The following RNF10 variants were observed in gnomAD, a reference collection of about 807,000 sequenced individuals.
RNF10 encodes ring finger protein 10.
In RNF10, 38 loss-of-function variants were observed where a neutral mutation model predicts 91.4. That is an observed-to-expected ratio of 0.42 (90% CI 0.32 to 0.54). The LOEUF is 0.54. RNF10 is among the 20% of genes least tolerant of loss of function. RNF10 has a pLI of 0.16. For missense variants in RNF10, 945 were observed against 1,012.0 expected (o/e 0.93, Z 0.90); for synonymous variants, 364 against 366.3 (o/e 0.99, Z 0.07).
rs542003760 is a variant in RNF10 at position 120,572,585 on chromosome 12, CTTGTTTTGTT to C, written c.2142+1313_2142+1322del. On this transcript the variant is annotated intron_variant, in intron 14 of 16. Coordinates refer to ENST00000325954, the MANE Select transcript of RNF10 (RefSeq NM_014868.5). ...TGGCTCCCAGGAGTTATGCCAAATA[CTTGTTTTGTT>C]TTGTTTTGTTTTGTTTTGAGTTGAA... 4.3e-4 allele frequency among the ~76,000 whole-genome samples: 66 copies of C among 151,978 alleles called. No homozygotes were observed. The Middle Eastern group carries it at 0.01, about 23-fold the overall frequency.
intron 2 of RNF10, among the ~76,000 whole-genome samples, chr12:120,547,724 G>A (rs1339585519): frequency 2.0e-5 from 3 of 152,182 alleles, no homozygotes; most frequent in African/African-American, 4.8e-5. Flanking sequence ...GGAGAGGTAG[G>A]AAATGTACCC....
chr12:120,556,918 C>T (rs569437479), intron 4 of RNF10, among the ~76,000 whole-genome samples: 39 of 151,436 alleles, frequency 2.6e-4, no homozygotes, highest in South Asian at 2.1e-4. Flanking sequence ...TTTGGGAGGC[C>T]GAGGCGGGCG....
At chr12:120,557,103 A>G (rs1462836721) in intron 4 of RNF10, among the ~76,000 whole-genome samples, 179 bp from the exon 5 acceptor site, 3 of 149,346 alleles carry the variant, frequency 2.0e-5, no homozygotes, top group Non-Finnish European at 4.5e-5. Flanking sequence ...AAAAAAAAAG[A>G]AAAAAATGAT....
chr12:120,552,083 CAAAAAA>C (rs563764429), intron 2 of RNF10, among the ~76,000 whole-genome samples: 6 of 86,476 alleles, frequency 6.9e-5, no homozygotes, highest in Non-Finnish European at 8.9e-5. Flanking sequence ...GACTCTGTCT[CAAAAAA>C]AAAAAAAAAA....
At chr12:120,563,299 G>A (rs150150750) in intron 8 of RNF10, 48 bp from the exon 9 acceptor site, 210 of 1,564,458 alleles carry the variant, frequency 1.3e-4, no homozygotes, top group African/African-American at 5.2e-4. Flanking sequence ...CATTGCTTTC[G>A]GAAAGCAGGA....
intron 14 of RNF10, among the ~76,000 whole-genome samples, chr12:120,573,362 T>TC (rs1230213517): frequency 6.6e-6 from 1 of 152,182 alleles, no homozygotes; most frequent in African/African-American, 2.4e-5. Flanking sequence ...CCCTTTTTTT[T>TC]CCCTTCCATG....
In RNF10 at chr12:120,536,747, C is replaced by A. The variant is rs1161333061; in HGVS notation, c.157+1779C>A. On this transcript the variant is annotated intron_variant, in intron 1 of 16. Transcript: ENST00000325954. ...GTAAGTTTATTTTTGTACTCTATTC[C>A]CAGATGTATGTTAAGGATTTGGTTC... 2.0e-5 allele frequency among the ~76,000 whole-genome samples: 3 copies of A among 152,118 alleles called. No homozygotes were observed. The East Asian group carries it at 5.8e-4, about 29-fold the overall frequency.
chr12:120,575,893 G>A lies in RNF10; in HGVS notation c.2302G>A (p.Ala768Thr). 1.2e-6 allele frequency: 2 copies of A among 1,614,138 alleles called. No homozygotes were observed. The highest frequency in any genetic ancestry group is 1.7e-6 in the Non-Finnish European group (2 of 1,180,040). Reference sequence around the variant, plus strand: ...CAGTTTTCAAAATTCCTTCAGCCAAGCTATTGAAGCAGCCTTCATGAAACT... The same window carrying A: ...CAGTTTTCAAAATTCCTTCAGCCAAACTATTGAAGCAGCCTTCATGAAACT... ...VPSFQNSFSQ[A>T]IEAAFMKLDT... is the part of the protein sequence containing the mutation. Residue 768 changes from alanine (A) to threonine (T), a missense_variant, in exon 16 of 17, where the codon GCT becomes ACT. Coordinates refer to ENST00000325954, the MANE Select transcript of RNF10 (RefSeq NM_014868.5).
chr12:120,563,722 G>A, intron 9 of RNF10, 88 bp from the exon 10 acceptor site: 1 of 1,583,092 alleles, frequency 6.3e-7, no homozygotes, highest in Non-Finnish European at 8.6e-7. Context: ...TGTGGCTTGG[G>A]TGGCTTGAGC....
chr12:120,544,624 C>G (rs549269021), intron 1 of RNF10, among the ~76,000 whole-genome samples: 227 of 152,278 alleles, frequency 1.5e-3, no homozygotes, highest in Non-Finnish European at 2.7e-3. Flanking sequence ...CCACTGCACT[C>G]TAGCCTGGGT....
chr12:120,567,858 T>TGGGG (rs199817281), intron 13 of RNF10, among the ~76,000 whole-genome samples: 6 of 131,722 alleles, frequency 4.6e-5, no homozygotes, highest in African/African-American at 1.5e-4. Flanking sequence ...CATTTCATTA[T>TGGGG]GGGTGTGTGT....
intron 14 of RNF10, among the ~76,000 whole-genome samples, chr12:120,572,824 C>A (rs1422825824): frequency 6.6e-6 from 1 of 150,604 alleles, no homozygotes; most frequent in African/African-American, 2.4e-5. Flanking sequence ...TGGTCTAGAA[C>A]TCTTGACCTC....
At position 120,552,631 on chromosome 12, in the gene RNF10, G is replaced by A. The variant is rs1022080841; in HGVS notation, c.487G>A (p.Gly163Ser). 2.5e-6 allele frequency: 4 copies of A among 1,613,992 alleles called. No individual in the cohort carries two copies. In the African/African-American group the frequency reaches 4.0e-5, roughly 16 times the overall value. The part of the protein sequence containing the change: ...QTGHFEGSGH[G>S]SWGKRNKWGH... ...GGGTCACTTTGAAGGCAGTGGACAT[G>A]GTAGCTGGGGAAAGAGGAACAAGTG... is the stretch of plus-strand genomic sequence containing the variant. Residue 163 changes from glycine (G) to serine (S), a missense_variant, in exon 3 of 17, where the codon GGT becomes AGT. By Grantham distance (56) the Gly-to-Ser change is moderately conservative. Transcript: ENST00000325954.
rs1352350131 is a variant in RNF10 at position 120,563,075 on chromosome 12, G to A, written c.1254+5G>A. The A allele has an allele frequency of 6.2e-7, 1 of 1,613,950 alleles. No homozygotes were observed. The highest frequency in any genetic ancestry group is 2.2e-5 in the East Asian group (1 of 44,902). Reference sequence around the variant, plus strand: ...TCTGTTTTTCAACCCAGGAAGGTTAGTGTGTTCCTGTTACTAAGTGGCTGC... The same window carrying A: ...TCTGTTTTTCAACCCAGGAAGGTTAATGTGTTCCTGTTACTAAGTGGCTGC... On this transcript the variant is annotated splice_donor_5th_base_variant and intron_variant, in intron 8 of 16. Coordinates refer to ENST00000325954, the MANE Select transcript of RNF10 (RefSeq NM_014868.5).
chr12:120,541,497 C>T lies in RNF10; in HGVS notation c.158-4908C>T, dbSNP rs897513887. On this transcript the variant is annotated intron_variant, in intron 1 of 16. Coordinates refer to ENST00000325954, the MANE Select transcript of RNF10 (RefSeq NM_014868.5). Reference sequence around the variant, plus strand: ...TCGCCCAGACTGGAATGCAGTGGCACGATCTCCGCTCACTGCTAGCCCCGC... The same window carrying T: ...TCGCCCAGACTGGAATGCAGTGGCATGATCTCCGCTCACTGCTAGCCCCGC... Among the ~76,000 whole-genome samples, 8 of 150,596 alleles carry T rather than the reference C, an allele frequency of 5.3e-5. No individual in the cohort carries two copies. The South Asian group carries it at 1.0e-3, about 20-fold the overall frequency.
chr12:120,577,170 C>G lies in RNF10; in HGVS notation c.*504C>G. 1 of 452,608 alleles carries G rather than the reference C, an allele frequency of 2.2e-6. No individual in the cohort carries two copies. Among genetic ancestry groups the G allele is most frequent in the South Asian group, 1.6e-5 (1 of 63,606 alleles). 28.0% of individuals were successfully genotyped at this position (452,608 alleles called of 1,614,324 possible). ...GGGAATAAAATGGATTTAGGACACC[C>G]AGTTTGAATTGCAGTTTTTTTTTTT... is the stretch of plus-strand genomic sequence containing the variant. On this transcript the variant is annotated 3_prime_UTR_variant, in exon 17 of 17. Coordinates refer to ENST00000325954, the MANE Select transcript of RNF10 (RefSeq NM_014868.5).
At chr12:120,557,987 C>G (rs1874281831) in intron 6 of RNF10, among the ~76,000 whole-genome samples, 1 of 152,116 alleles carries the variant, frequency 6.6e-6, no homozygotes, top group African/African-American at 2.4e-5. Flanking sequence ...TCAAGAAACT[C>G]AGTAGTCCGA....
At chr12:120,553,452 GAGTGC>G (rs1398771140) in intron 3 of RNF10, among the ~76,000 whole-genome samples, 1 of 147,926 alleles carries the variant, frequency 6.8e-6, no homozygotes, top group Non-Finnish European at 1.5e-5. Context: ...ACCCAGGCTG[GAGTGC>G]AGTGGCACGA....
intron 1 of RNF10, among the ~76,000 whole-genome samples, chr12:120,537,634 C>CT (rs1433118970): frequency 6.6e-6 from 1 of 152,014 alleles, no homozygotes; most frequent in African/African-American, 2.4e-5. Context: ...TGTAAAGGCC[C>CT]TTTGTTAGAT....
Sources: allele counts gnomAD v4.1 joint callset (sites outside exome capture counted in the v4.1 genomes callset), GRCh38; gene constraint gnomAD v4.1.1; transcripts MANE v1.5; gene names NCBI Gene and HGNC (gene_info 2026-07-23, HGNC 2026-07-21).